SHKBP1: variants seen among roughly 807,000 people sequenced by gnomAD.
SHKBP1 encodes the protein SH3KBP1 binding protein 1, also known as SH3KBP1-binding protein 1.
A neutral mutation model predicts 83.9 loss-of-function variants in SHKBP1; 71 were observed. The ratio of observed to expected loss-of-function variants is 0.85; its 90% CI spans 0.70 to 1.03. SHKBP1 has a LOEUF of 1.03. SHKBP1 is among the 50% of genes least tolerant of loss of function. SHKBP1 has a pLI of 0.00. For missense variants in SHKBP1, 824 were observed against 982.4 expected (o/e 0.84, Z 2.16); for synonymous variants, 371 against 398.0 (o/e 0.93, Z 0.81).
intron 12 of SHKBP1, among the ~76,000 whole-genome samples, chr19:40,585,066 C>G (rs565938555): frequency 6.6e-6 from 1 of 152,068 alleles, no homozygotes; most frequent in East Asian, 1.9e-4. Context: ...TCTGTTCTAT[C>G]AGAAATTAAA....
Position 40,576,976 on chromosome 19 carries a change from G to A in SHKBP1, c.77G>A (p.Gly26Glu). 6.6e-7 allele frequency: 1 copy of A among 1,514,858 alleles called. No homozygotes were observed. 93.8% of individuals were successfully genotyped at this position (1,514,858 alleles called of 1,614,324 possible). Reference sequence around the variant, plus strand: ...GGGGAAGTCATTCATCTGAATGTGGGAGGCAAGAGGTGAGTGTGGGAGACT... The same window carrying A: ...GGGGAAGTCATTCATCTGAATGTGGAAGGCAAGAGGTGAGTGTGGGAGACT... ...PPGEVIHLNV[G>E]GKRFSTSRQT... The change falls in exon 1 of 18, where the codon GGA becomes GAA. Residue 26 changes from glycine (G) to glutamate (E), a missense_variant. Gly to Glu is a moderately conservative substitution (Grantham distance 98). Coordinates refer to ENST00000291842, the MANE Select transcript of SHKBP1 (RefSeq NM_138392.4).
chr19:40,590,553 G>T lies in SHKBP1; in HGVS notation c.1768+131G>T. The T allele has an allele frequency of 7.9e-7, 1 of 1,260,688 alleles. No homozygotes were observed. The highest frequency in any genetic ancestry group is 1.1e-6 in the Non-Finnish European group (1 of 910,560). 78.1% of individuals were successfully genotyped at this position (1,260,688 alleles called of 1,614,324 possible). On this transcript the variant is annotated intron_variant, in intron 16 of 17. Transcript: ENST00000291842. The surrounding 1 kb of genome is among the most constrained non-coding windows in gnomAD (Gnocchi z 4.6). ...CCCCTTTTCCTTTGACCCCCTCTCTGCTCCCCATCCCTTCCTGCCCTTGTT... is the reference window on the plus strand; with the variant it reads ...CCCCTTTTCCTTTGACCCCCTCTCTTCTCCCCATCCCTTCCTGCCCTTGTT...
chr19:40,585,090 G>A (rs908054964), intron 12 of SHKBP1, among the ~76,000 whole-genome samples: 2 of 151,818 alleles, frequency 1.3e-5, no homozygotes, highest in African/African-American at 2.4e-5. Flanking sequence ...TATGTATGGT[G>A]TGAAGCAGGG....
chr19:40,586,860 T>C lies in SHKBP1; in HGVS notation c.1252T>C (p.Ser418Pro), dbSNP rs2081316734. The change falls in exon 13 of 18, where the codon TCG becomes CCG. Residue 418 changes from serine to proline, a missense_variant. Around this residue, in one of 3 missense-constraint regions of SHKBP1, gnomAD observed 182 missense variants for 273.1 expected, o/e 0.67. Coordinates refer to ENST00000291842, the MANE Select transcript of SHKBP1 (RefSeq NM_138392.4). ...CGTGCAGCACCCGGAGACTGTGGGC[T>C]CGGGGCCTCAGCTCTTCCAGACCTT... ...VIVQHPETVG[S>P]GPQLFQTFTV... The C allele has an allele frequency of 6.2e-7, 1 of 1,613,074 alleles. No individual in the cohort carries two copies.
chr19:40,589,561 C>T (rs958122427), intron 15 of SHKBP1, among the ~76,000 whole-genome samples: 1 of 82,896 alleles, frequency 1.2e-5, no homozygotes, highest in Non-Finnish European at 2.4e-5. Flanking sequence ...ATAGGGGGAC[C>T]AGGGGCAGGG....
Position 40,582,331 on chromosome 19 carries a change from G to C in SHKBP1, c.845-20G>C, listed in dbSNP as rs371411052. 6.3e-7 allele frequency: 1 copy of C among 1,599,236 alleles called. No individual in the cohort carries two copies. Among genetic ancestry groups the C allele is most frequent in the East Asian group, 2.2e-5 (1 of 44,782 alleles). On this transcript the variant is annotated intron_variant, in intron 9 of 17. Transcript: ENST00000291842. The stretch of plus-strand genomic sequence containing the variant: ...CTCCATGAGGCAGGGTTCCAGCTGA[G>C]CCCTTTTTGCCCACTGCAGGGGTCT...
Position 40,577,453 on chromosome 19 carries a change from A to G in SHKBP1, c.186+12A>G, listed in dbSNP as rs2081226346. 3.1e-6 allele frequency: 5 copies of G among 1,613,994 alleles called. No individual in the cohort carries two copies. In the East Asian group the frequency reaches 8.9e-5, roughly 29 times the overall value. Reference sequence around the variant, plus strand: ...ATGAGACCGGAGCAGTGAGTCGGACAAGAACTGAAATGGGATGGGGGGGAG... The same window carrying G: ...ATGAGACCGGAGCAGTGAGTCGGACGAGAACTGAAATGGGATGGGGGGGAG... On this transcript the variant is annotated intron_variant, in intron 3 of 17. Coordinates refer to ENST00000291842, the MANE Select transcript of SHKBP1 (RefSeq NM_138392.4).
rs756385297 is a variant in SHKBP1, at chr19:40,590,925, G to A, written c.1893-51G>A. The A allele has an allele frequency of 6.4e-7, 1 of 1,573,092 alleles. No individual in the cohort carries two copies. The highest frequency in any genetic ancestry group is 1.2e-5 in the South Asian group (1 of 86,662). ...ACAGCATGGTGTTCCCGGGGACAGAGTGGCCCAGCTGCCCCGTGATGACGT... is the reference window on the plus strand; with the variant it reads ...ACAGCATGGTGTTCCCGGGGACAGAATGGCCCAGCTGCCCCGTGATGACGT... On this transcript the variant is annotated intron_variant, in intron 17 of 17. Coordinates refer to ENST00000291842, the MANE Select transcript of SHKBP1 (RefSeq NM_138392.4). This position sits in a 1 kb window ranked among gnomAD's most constrained non-coding sequence, Gnocchi z 4.6.
At position 40,590,121 on chromosome 19, in the gene SHKBP1, C is replaced by A; in HGVS notation, c.1590-123C>A. On this transcript the variant is annotated intron_variant, in intron 15 of 17. Transcript: ENST00000291842. The surrounding 1 kb of genome is among the most constrained non-coding windows in gnomAD (Gnocchi z 4.6). ...CTTGGGACTGGAACTCAAAAGCAGG[C>A]TAGGGATGGATAAAGATTGGGATGG... 8.7e-7 allele frequency: 1 copy of A among 1,146,858 alleles called. No individual in the cohort carries two copies. 71.0% of individuals were successfully genotyped at this position (1,146,858 alleles called of 1,614,324 possible). A position where few individuals can be genotyped will look rare whatever the true frequency, so the allele number is the denominator to read the frequency against.
Position 40,591,255 on chromosome 19 carries a change from T to A in SHKBP1, c.*48T>A. On this transcript the variant is annotated 3_prime_UTR_variant, in exon 18 of 18. Transcript: ENST00000291842. ...TTGGGATGCCCTGGTCCTGGGGGAC[T>A]CAGGTGCCTCCCTGATTCCTGTGGG... 1 of 1,481,004 alleles carries A rather than the reference T, an allele frequency of 6.8e-7. No homozygotes were observed. The highest frequency in any genetic ancestry group is 9.1e-7 in the Non-Finnish European group (1 of 1,099,502). The allele number at this position is 1,481,004 out of a possible 1,614,324, so 91.7% of individuals were successfully genotyped here.
chr19:40,582,079 C>T (rs1478232677), intron 9 of SHKBP1, among the ~76,000 whole-genome samples: 1 of 152,144 alleles, frequency 6.6e-6, no homozygotes, highest in African/African-American at 2.4e-5. Flanking sequence ...TGCTACCACA[C>T]TCAGCTAATT....
Position 40,577,303 on chromosome 19 carries a change from T to C in SHKBP1, c.140+19T>C, listed in dbSNP as rs1456995194. On this transcript the variant is annotated intron_variant, in intron 2 of 17. Coordinates refer to ENST00000291842, the MANE Select transcript of SHKBP1 (RefSeq NM_138392.4). Reference sequence around the variant, plus strand: ...TCTCCAGGTGATCGGGAGAGCGAGTTTGGGGCGAGGGTAGGAGGGATGGAG... The same window carrying C: ...TCTCCAGGTGATCGGGAGAGCGAGTCTGGGGCGAGGGTAGGAGGGATGGAG... 3.1e-6 allele frequency: 5 copies of C among 1,613,854 alleles called. No homozygotes were observed. In the South Asian group the frequency reaches 4.4e-5, roughly 14 times the overall value.
chr19:40,577,186 C>T, intron 1 of SHKBP1, 45 bp from the exon 2 acceptor site: 1 of 1,608,500 alleles, frequency 6.2e-7, no homozygotes, highest in Non-Finnish European at 8.5e-7. Context: ...GCATTCCTCA[C>T]CCGCTCCTCT....
chr19:40,586,879 A>C lies in SHKBP1; in HGVS notation c.1271A>C (p.Gln424Pro). The change falls in exon 13 of 18, where the codon CAG (glutamine) becomes CCG (proline). Residue 424 changes from glutamine (Q) to proline (P), a missense_variant. Physicochemically the swap from Gln to Pro is moderately conservative, Grantham distance 76 (BLOSUM62 -1). Transcript: ENST00000291842. Reference protein sequence around the residue: ...ETVGSGPQLFQTFTVHRSPVT... With the variant: ...ETVGSGPQLFPTFTVHRSPVT... Reference sequence around the variant, plus strand: ...GTGGGCTCGGGGCCTCAGCTCTTCCAGACCTTCACTGTGCACCGCAGCCCT... The same window carrying C: ...GTGGGCTCGGGGCCTCAGCTCTTCCCGACCTTCACTGTGCACCGCAGCCCT... The C allele has an allele frequency of 4.3e-6, 7 of 1,612,888 alleles. No individual in the cohort carries two copies. The highest frequency in any genetic ancestry group is 5.9e-6 in the Non-Finnish European group (7 of 1,179,316).
At chr19:40,584,372 A>G (rs1266349978) in intron 12 of SHKBP1, among the ~76,000 whole-genome samples, 1 of 152,162 alleles carries the variant, frequency 6.6e-6, no homozygotes, top group Non-Finnish European at 1.5e-5. Context: ...CTCTTACTTG[A>G]GACAGTTTTT....
intron 13 of SHKBP1, among the ~76,000 whole-genome samples, chr19:40,587,743 A>T (rs551345676): frequency 3.3e-4 from 50 of 152,252 alleles, no homozygotes; most frequent in African/African-American, 1.2e-3. Context: ...TCTACAAAAA[A>T]TTTTTAAAAA....
chr19:40,583,368 C>A, intron 10 of SHKBP1, 30 bp from the exon 11 acceptor site: 1 of 1,532,324 alleles, frequency 6.5e-7, no homozygotes, highest in South Asian at 1.2e-5. Context: ...GAAGGGCTCC[C>A]GGCTGCAGCC....
In SHKBP1 at chr19:40,591,184, A is replaced by C; in HGVS notation, c.2101A>C (p.Lys701Gln). ...CACTCCCCTCACACCTCCCAAGATG[A>C]AGCTCAATGAAACTTCCTTTTGAAC... ...LGTPLTPPKM[K>Q]LNETSF The change falls in exon 18 of 18, where the codon AAG becomes CAG. Residue 701 changes from lysine (K) to glutamine (Q), a missense_variant. Transcript: ENST00000291842. The C allele has an allele frequency of 6.3e-7, 1 of 1,588,570 alleles. No individual in the cohort carries two copies. Among genetic ancestry groups the C allele is most frequent in the South Asian group, 1.1e-5 (1 of 89,594 alleles).
chr19:40,580,298 T>G, intron 6 of SHKBP1, 26 bp from the exon 7 acceptor site: 1 of 1,597,560 alleles, frequency 6.3e-7, no homozygotes, highest in East Asian at 2.2e-5. Context: ...CAATGACTGT[T>G]ACTCTACCTC....
Sources: allele counts gnomAD v4.1 joint callset (sites outside exome capture counted in the v4.1 genomes callset), GRCh38; gene constraint gnomAD v4.1.1; regional missense constraint gnomAD v4.1.1; non-coding constraint Gnocchi (gnomAD v3.1); transcripts MANE v1.5; gene names NCBI Gene and HGNC (gene_info 2026-07-23, HGNC 2026-07-21).